The following MTM1 variants were observed in gnomAD, a reference collection of about 807,000 sequenced individuals.
MTM1 encodes the protein myotubularin 1.
A neutral mutation model predicts 52.1 loss-of-function variants in MTM1; 9 were observed. The observed-to-expected ratio is 0.17, with a 90% confidence interval of 0.10 to 0.30. The LOEUF is 0.30. MTM1 is among the 10% of genes least tolerant of loss of function. The pLI, the probability that MTM1 is intolerant of heterozygous loss-of-function variation, is 1.00. For missense variants in MTM1, 277 were observed against 470.7 expected (o/e 0.59, Z 3.81); for synonymous variants, 136 against 163.8 (o/e 0.83, Z 1.29).
rs1244578689 is a variant in MTM1 at position 150,583,580 on chromosome X, A to G, written c.-10-9025A>G. On this transcript the variant is annotated intron_variant, in intron 1 of 14. Transcript: ENST00000370396. ...TATATATAATATATAATTTATATAT[A>G]ATATATATAATTTATATATAATATA... Among the ~76,000 whole-genome samples the G allele has an allele frequency of 3.0e-3, 76 of 25,245 alleles. 12 individuals carry two copies. Among genetic ancestry groups the G allele is most frequent in the African/African-American group, 0.023 (72 of 3,196 alleles). 21.9% of individuals were successfully genotyped at this position (25,245 alleles called of 115,157 possible). A position where few individuals can be genotyped will look rare whatever the true frequency, so the allele number is the denominator to read the frequency against.
At chrX:150,620,490 A>G (rs1557413259) in intron 6 of MTM1, among the ~76,000 whole-genome samples, 1 of 111,550 alleles carries the variant, frequency 9.0e-6, no homozygotes, top group African/African-American at 3.3e-5. Flanking sequence ...TTACTGGCCA[A>G]ATCTAGTGGC....
rs1057523163 is a variant in MTM1 at position 150,619,155 on chromosome X, C to G, written c.444+16C>G. ...TCACAGTCTGGTAAATTCCAGTGCTCTCCTCAGCGTGGGAAGGTTCTCAGT... is the reference window on the plus strand; with the variant it reads ...TCACAGTCTGGTAAATTCCAGTGCTGTCCTCAGCGTGGGAAGGTTCTCAGT... On this transcript the variant is annotated intron_variant, in intron 6 of 14. Transcript: ENST00000370396. The G allele has an allele frequency of 4.4e-6, 5 of 1,142,992 alleles. No individual in the cohort carries two copies. The East Asian group carries it at 1.2e-4, about 27-fold the overall frequency. The allele number at this position is 1,142,992 out of a possible 1,213,427, so 94.2% of individuals were successfully genotyped here. A position where few individuals can be genotyped will look rare whatever the true frequency, so the allele number is the denominator to read the frequency against.
rs2040262823 is a variant in MTM1, at chrX:150,663,757, T to A, written c.1644+148T>A. 5 of 540,255 alleles carry A rather than the reference T, an allele frequency of 9.3e-6. No homozygotes were observed. In the South Asian group the frequency reaches 1.5e-4, roughly 16 times the overall value. The allele number at this position is 540,255 out of a possible 1,213,427, so 44.5% of individuals were successfully genotyped here. ...GTTAAACTCAACCTTAATTTAAATTTTTTTTAATTACTAAACCATGTGTTT... is the reference window on the plus strand; with the variant it reads ...GTTAAACTCAACCTTAATTTAAATTATTTTTAATTACTAAACCATGTGTTT... On this transcript the variant is annotated intron_variant, in intron 14 of 14. Transcript: ENST00000370396.
intron 4 of MTM1, among the ~76,000 whole-genome samples, chrX:150,610,785 G>A (rs2039261524): frequency 1.8e-5 from 2 of 111,994 alleles, no homozygotes; most frequent in African/African-American, 6.5e-5. Flanking sequence ...GAGCTATACA[G>A]TTTCCTCTGT....
At chrX:150,598,505 T>A (rs1018513628) in intron 3 of MTM1, 87 bp from the exon 4 acceptor site, 1 of 562,678 alleles carries the variant, frequency 1.8e-6, no homozygotes, top group Non-Finnish European at 3.0e-6. Context: ...TATTCTTAGC[T>A]GAATAGTTTA....
chrX:150,604,326 C>CT (rs2039117236), intron 4 of MTM1, among the ~76,000 whole-genome samples: 1 of 111,673 alleles, frequency 9.0e-6, no homozygotes, highest in African/African-American at 3.3e-5. Flanking sequence ...TCCATTGACT[C>CT]TTTCATCTGA....
At chrX:150,641,237 A>G (rs1163664588) in intron 7 of MTM1, 32 bp from the exon 8 acceptor site, 3 of 1,210,247 alleles carry the variant, frequency 2.5e-6, no homozygotes, top group Non-Finnish European at 3.4e-6. Flanking sequence ...AGGTCAAGCA[A>G]TACTGACTTG....
intron 6 of MTM1, among the ~76,000 whole-genome samples, chrX:150,628,898 C>T (rs995162197): frequency 6.4e-5 from 7 of 109,913 alleles, no homozygotes; most frequent in Non-Finnish European, 1.3e-4. Flanking sequence ...CCAGGCTGAC[C>T]TCAAACTCTT....
chrX:150,618,868 T>G (rs2039430667), intron 5 of MTM1, among the ~76,000 whole-genome samples, 170 bp from the exon 6 acceptor site: 1 of 111,370 alleles, frequency 9.0e-6, no homozygotes, highest in South Asian at 3.7e-4. Context: ...CAGGTGTTCT[T>G]AAGCCAGATA....
At chrX:150,658,394 T>C (rs1335171692) in intron 11 of MTM1, among the ~76,000 whole-genome samples, 4 of 111,661 alleles carry the variant, frequency 3.6e-5, no homozygotes, top group African/African-American at 1.3e-4. Context: ...TTAAAAATCA[T>C]CGAGAGATGA....
At chrX:150,629,257 G>A (rs1557413491) in intron 6 of MTM1, among the ~76,000 whole-genome samples, 1 of 111,541 alleles carries the variant, frequency 9.0e-6, no homozygotes, top group East Asian at 2.8e-4. Flanking sequence ...TGAGATGTTC[G>A]CCAGTGGCCA....
chrX:150,642,736 C>A (rs1262992741), intron 8 of MTM1, among the ~76,000 whole-genome samples: 1 of 111,415 alleles, frequency 9.0e-6, no homozygotes, highest in Non-Finnish European at 1.9e-5. Context: ...TTCATGTATT[C>A]ATTCAGTTCA....
chrX:150,666,065 T>G (rs146756690), intron 14 of MTM1, among the ~76,000 whole-genome samples: 2 of 112,406 alleles, frequency 1.8e-5, no homozygotes, highest in African/African-American at 6.5e-5. Flanking sequence ...ATAGAAAAAT[T>G]TAAAGGGATA....
At chrX:150,579,750 C>T in intron 1 of MTM1, among the ~76,000 whole-genome samples, 1 of 110,592 alleles carries the variant, frequency 9.0e-6, no homozygotes, top group South Asian at 3.9e-4. Flanking sequence ...AGTCCTCCTG[C>T]CTCAGCCTCC....
At chrX:150,638,146 GAA>G (rs2039782858) in intron 6 of MTM1, among the ~76,000 whole-genome samples, 1 of 112,058 alleles carries the variant, frequency 8.9e-6, no homozygotes, top group Admixed American at 9.5e-5. Context: ...GTCATGTACT[GAA>G]ATGGGGAGAC....
intron 13 of MTM1, among the ~76,000 whole-genome samples, chrX:150,660,913 G>A (rs928958048): frequency 8.9e-6 from 1 of 111,900 alleles, no homozygotes; most frequent in African/African-American, 3.3e-5. Flanking sequence ...CTAAGAGAGA[G>A]CATTAATCTG....
chrX:150,657,173 C>A (rs782090313), intron 10 of MTM1, among the ~76,000 whole-genome samples: 1 of 109,882 alleles, frequency 9.1e-6, no homozygotes, highest in Non-Finnish European at 1.9e-5. Flanking sequence ...CACATGCACA[C>A]GTATGTTTAT....
intron 1 of MTM1, among the ~76,000 whole-genome samples, chrX:150,581,548 T>A (rs1165625108): frequency 2.7e-5 from 3 of 111,966 alleles, no homozygotes; most frequent in Non-Finnish European, 5.6e-5. Context: ...AAAAGCCTAT[T>A]TGTTGACTCA....
intron 6 of MTM1, among the ~76,000 whole-genome samples, chrX:150,631,432 G>A (rs1557413567): frequency 9.0e-6 from 1 of 111,594 alleles, no homozygotes; most frequent in Non-Finnish European, 1.9e-5. Flanking sequence ...GGAAGTCGAG[G>A]CAGGCAGATC....
Sources: allele counts gnomAD v4.1 joint callset (sites outside exome capture counted in the v4.1 genomes callset), GRCh38; gene constraint gnomAD v4.1.1; transcripts MANE v1.5; gene names NCBI Gene and HGNC (gene_info 2026-07-23, HGNC 2026-07-21).